The following SDK1 variants were observed in gnomAD, a reference collection of about 807,000 sequenced individuals.
SDK1 encodes protein sidekick-1.
SDK1 carries 157 observed loss-of-function variants against 245.5 expected under a neutral mutation model. The observed-to-expected ratio is 0.64, with a 90% CI of 0.56 to 0.73. The LOEUF (loss-of-function observed/expected upper bound fraction) is 0.73. Among genes scored for constraint, SDK1 ranks in the 30% least tolerant of loss-of-function variants. The pLI, the probability that SDK1 is intolerant of heterozygous loss-of-function variation, is 0.00. For missense variants in SDK1, 3,583 were observed against 3,002.3 expected (o/e 1.19, Z -4.52); for synonymous variants, 1,647 against 1,278.5 (o/e 1.29, Z -6.15).
intron 1 of SDK1, among the ~76,000 whole-genome samples, chr7:3,561,162 C>T (rs546998925): frequency 1.2e-4 from 19 of 152,246 alleles, no homozygotes; most frequent in African/African-American, 4.3e-4. Flanking sequence ...AGAGACCTGC[C>T]AGGAAATCTT....
chr7:3,707,740 T>C (rs948464746), intron 4 of SDK1, among the ~76,000 whole-genome samples: 5 of 152,202 alleles, frequency 3.3e-5, no homozygotes, highest in Admixed American at 1.3e-4. Flanking sequence ...TAGTGTTAAA[T>C]GCATAGAAAC....
At chr7:3,470,869 T>C (rs778233213) in intron 1 of SDK1, among the ~76,000 whole-genome samples, 1 of 152,192 alleles carries the variant, frequency 6.6e-6, no homozygotes, top group Non-Finnish European at 1.5e-5. Flanking sequence ...TTACTCACCT[T>C]GTATTATGTG....
rs372434882 is a variant in SDK1 at position 3,345,953 on chromosome 7, T to C, written c.298+44069T>C. Among the ~76,000 whole-genome samples the C allele has an allele frequency of 8.5e-5, 13 of 152,312 alleles. 2 individuals carry two copies. Among genetic ancestry groups the C allele is most frequent in the African/African-American group, 3.1e-4 (13 of 41,568 alleles). Reference sequence around the variant, plus strand: ...ACCCACTGCAGTTATTCGGTTCTTGTTTTCTGTCTTTTAAGCATAATAATT... The same window carrying C: ...ACCCACTGCAGTTATTCGGTTCTTGCTTTCTGTCTTTTAAGCATAATAATT... On this transcript the variant is annotated intron_variant, in intron 1 of 44. Coordinates refer to ENST00000404826, the MANE Select transcript of SDK1 (RefSeq NM_152744.4).
At chr7:3,384,456 G>A (rs1473832264) in intron 1 of SDK1, among the ~76,000 whole-genome samples, 1 of 152,194 alleles carries the variant, frequency 6.6e-6, no homozygotes, top group Admixed American at 6.5e-5. Context: ...TATGCTTTTA[G>A]AAGAGTCACA....
At position 4,156,233 on chromosome 7, in the gene SDK1, C is replaced by T. The variant is rs180859618; in HGVS notation, c.4626-2215C>T. The stretch of plus-strand genomic sequence containing the variant: ...GAGCCAGTGGGGCTATGGTGGGTGG[C>T]GCAGGGGGAGGAGGCAGGGAGGTCG... On this transcript the variant is annotated intron_variant, in intron 30 of 44. Coordinates refer to ENST00000404826, the MANE Select transcript of SDK1 (RefSeq NM_152744.4). 6.2e-4 allele frequency among the ~76,000 whole-genome samples: 95 copies of T among 152,132 alleles called. 1 individual carries two copies. Among genetic ancestry groups the T allele is most frequent in the Admixed American group, 5.2e-3 (79 of 15,280 alleles).
At chr7:4,130,355 G>A (rs745986135) in intron 27 of SDK1, 5 of 483,856 alleles carry the variant, frequency 1.0e-5, no homozygotes, top group African/African-American at 8.4e-5. Context: ...GTGCTGGGGA[G>A]AGGCAGCAGA....
intron 30 of SDK1, among the ~76,000 whole-genome samples, chr7:4,153,678 G>A (rs991036291): frequency 1.3e-5 from 2 of 152,090 alleles, no homozygotes; most frequent in East Asian, 1.9e-4. Context: ...AAGTGTTTGT[G>A]TTTGTTTGGT....
chr7:3,723,953 G>C lies in SDK1; in HGVS notation c.713+81848G>C, dbSNP rs200529191. Among the ~76,000 whole-genome samples, 14 of 145,442 alleles carry C rather than the reference G, an allele frequency of 9.6e-5. No homozygotes were observed. The East Asian group carries it at 2.9e-3, about 30-fold the overall frequency. On this transcript the variant is annotated intron_variant, in intron 4 of 44. Coordinates refer to ENST00000404826, the MANE Select transcript of SDK1 (RefSeq NM_152744.4). ...ATATATATATATATATAGAGAGAGA[G>C]AGAGAGAGAGAGAGAGAGAGAGAGA...
chr7:4,222,869 A>G (rs1270642128), intron 40 of SDK1, among the ~76,000 whole-genome samples: 1 of 152,060 alleles, frequency 6.6e-6, no homozygotes, highest in Non-Finnish European at 1.5e-5. Flanking sequence ...AATGACTTTG[A>G]TTCAAGAGCA....
chr7:3,308,128 A>G (rs1779463121), intron 1 of SDK1, among the ~76,000 whole-genome samples: 1 of 152,174 alleles, frequency 6.6e-6, no homozygotes, highest in South Asian at 2.1e-4. Flanking sequence ...TCTGTAAAAC[A>G]AATTGGTGCC....
intron 38 of SDK1, 40 bp from the exon 39 acceptor site, chr7:4,220,069 G>A (rs753139735): frequency 6.2e-7 from 1 of 1,600,194 alleles, no homozygotes; most frequent in East Asian, 2.2e-5. Context: ...TGCTTCTCCA[G>A]GCTGAACCCC....
At chr7:3,405,045 G>A (rs745667111) in intron 1 of SDK1, among the ~76,000 whole-genome samples, 7 of 151,906 alleles carry the variant, frequency 4.6e-5, no homozygotes, top group Non-Finnish European at 1.0e-4. Flanking sequence ...GGGTTCTGAC[G>A]ATGTCCTACC....
At chr7:3,447,608 A>G (rs1027616563) in intron 1 of SDK1, among the ~76,000 whole-genome samples, 6 of 151,750 alleles carry the variant, frequency 4.0e-5, no homozygotes, top group African/African-American at 1.2e-4. Context: ...CAGTTATTGC[A>G]TATTGATGTA....
chr7:3,500,268 T>TA (rs1381505991), intron 1 of SDK1, among the ~76,000 whole-genome samples: 2 of 152,222 alleles, frequency 1.3e-5, no homozygotes, highest in South Asian at 2.1e-4. Context: ...TCCTTTCTTA[T>TA]ATCCCCTATT....
chr7:3,601,543 A>G lies in SDK1; in HGVS notation c.299-17537A>G, dbSNP rs188330936. On this transcript the variant is annotated intron_variant, in intron 1 of 44. Coordinates refer to ENST00000404826, the MANE Select transcript of SDK1 (RefSeq NM_152744.4). The stretch of plus-strand genomic sequence containing the variant: ...TAGTATTCTTTTTTTAATGACTTCA[A>G]TATCTGCAGTGATACCATTGTTGGT... Among the ~76,000 whole-genome samples the G allele has an allele frequency of 7.9e-5, 12 of 151,926 alleles. No individual in the cohort carries two copies. In the East Asian group the frequency reaches 1.4e-3, roughly 17 times the overall value.
chr7:3,978,354 C>T (rs767897859), intron 13 of SDK1, among the ~76,000 whole-genome samples: 3 of 152,090 alleles, frequency 2.0e-5, no homozygotes, highest in Non-Finnish European at 2.9e-5. Context: ...ATTTGATTTC[C>T]TCTAAGTAAA....
intron 4 of SDK1, among the ~76,000 whole-genome samples, chr7:3,662,998 G>A (rs1036302789): frequency 9.9e-5 from 15 of 152,196 alleles, no homozygotes; most frequent in African/African-American, 3.1e-4. Context: ...ATGCAAGTAT[G>A]CATGCATGCA....
chr7:3,329,502 C>T (rs146697797), intron 1 of SDK1, among the ~76,000 whole-genome samples: 1 of 152,142 alleles, frequency 6.6e-6, no homozygotes, highest in Admixed American at 6.5e-5. Flanking sequence ...CTAAAAGAAG[C>T]CTCACCCTTC....
At chr7:3,561,751 A>G (rs1250384118) in intron 1 of SDK1, among the ~76,000 whole-genome samples, 1 of 152,230 alleles carries the variant, frequency 6.6e-6, no homozygotes, top group Non-Finnish European at 1.5e-5. Context: ...CAAAGAGCTC[A>G]CGTTCCCTTC....
Sources: allele counts gnomAD v4.1 joint callset (sites outside exome capture counted in the v4.1 genomes callset), GRCh38; gene constraint gnomAD v4.1.1; transcripts MANE v1.5; gene names NCBI Gene and HGNC (gene_info 2026-07-23, HGNC 2026-07-21).